The following FAR2 variants were observed in gnomAD, a reference collection of about 807,000 sequenced individuals.
The protein encoded by FAR2 is fatty acyl-CoA reductase 2.
A neutral mutation model predicts 56.0 loss-of-function variants in FAR2; 19 were observed. The ratio of observed to expected loss-of-function variants is 0.34; its 90% CI spans 0.24 to 0.50. FAR2 has a LOEUF of 0.50. Ranked by LOEUF, FAR2 falls within the 20% of genes least tolerant of loss-of-function variation. The probability of loss-of-function intolerance (pLI) is 0.98; values close to 1 mark genes in which losing one functional copy is unlikely to be tolerated. For missense variants in FAR2, 508 were observed against 642.2 expected, an observed-to-expected ratio of 0.79 and a Z score of 2.26; for synonymous variants, 219 against 218.8, an observed-to-expected ratio of 1.00 and a Z score of -0.01.
At chr12:29,326,513 G>A (rs1949649715) in intron 10 of FAR2, among the ~76,000 whole-genome samples, 1 of 152,124 alleles carries the variant, frequency 6.6e-6, no homozygotes, top group Non-Finnish European at 1.5e-5. Context: ...ATAAAATACT[G>A]GCAAACCAAA....
chr12:29,237,880 T>C (rs1947964383), intron 1 of FAR2, among the ~76,000 whole-genome samples: 1 of 152,186 alleles, frequency 6.6e-6, no homozygotes, highest in African/African-American at 2.4e-5. Flanking sequence ...GTATTAAAAA[T>C]ATCATTTTTT....
In FAR2 at chr12:29,222,267, T is replaced by TAG. The variant is rs1319400588; in HGVS notation, c.-38-48141_-38-48140dup. Among the ~76,000 whole-genome samples, 4 of 152,354 alleles carry TAG rather than the reference T, an allele frequency of 2.6e-5. No individual in the cohort carries two copies. The East Asian group carries it at 7.7e-4, about 29-fold the overall frequency. On this transcript the variant is annotated intron_variant, in intron 1 of 11. Transcript: ENST00000536681. Reference sequence around the variant, plus strand: ...TTGAACTTGTCCCCATTGCCTTGTGTAGAGACTTACTAATGTTTCAATCAT... The same window carrying TAG: ...TTGAACTTGTCCCCATTGCCTTGTGTAGAGAGACTTACTAATGTTTCAATCAT...
chr12:29,200,642 T>A (rs1188426266), intron 1 of FAR2, among the ~76,000 whole-genome samples: 1 of 152,172 alleles, frequency 6.6e-6, no homozygotes, highest in Admixed American at 6.5e-5. Context: ...TGGTAATAGA[T>A]CTGGCTGGAG....
chr12:29,255,838 T>C (rs1022728236), intron 1 of FAR2, among the ~76,000 whole-genome samples: 3 of 152,128 alleles, frequency 2.0e-5, no homozygotes, highest in Non-Finnish European at 4.4e-5. Flanking sequence ...TATTATTAAA[T>C]TGCCTTTTCA....
intron 1 of FAR2, among the ~76,000 whole-genome samples, chr12:29,193,820 G>A (rs1950122076): frequency 6.6e-6 from 1 of 152,190 alleles, no homozygotes; most frequent in African/African-American, 2.4e-5. Flanking sequence ...GTAAGAAACT[G>A]CCAAACTGTA....
chr12:29,273,435 A>AGT (rs1948652588), intron 2 of FAR2, among the ~76,000 whole-genome samples: 2 of 152,182 alleles, frequency 1.3e-5, no homozygotes, highest in African/African-American at 4.8e-5. Context: ...AGACTGCCAC[A>AGT]GTGTGTGTGT....
chr12:29,303,249 G>A (rs1308225734), intron 4 of FAR2, among the ~76,000 whole-genome samples: 1 of 152,142 alleles, frequency 6.6e-6, no homozygotes, highest in Non-Finnish European at 1.5e-5. Flanking sequence ...CAGGAATCTG[G>A]ATTTTTCCCA....
intron 1 of FAR2, among the ~76,000 whole-genome samples, chr12:29,213,281 G>A (rs1947575430): frequency 6.6e-6 from 1 of 151,780 alleles, no homozygotes; most frequent in Admixed American, 6.6e-5. Flanking sequence ...AATTACTATG[G>A]GTAAAACCTA....
intron 1 of FAR2, among the ~76,000 whole-genome samples, chr12:29,179,206 A>G (rs1051513320): frequency 6.6e-6 from 1 of 152,192 alleles, no homozygotes; most frequent in Non-Finnish European, 1.5e-5. Context: ...ACTTCAACAT[A>G]TTAATTTGAG....
intron 1 of FAR2, among the ~76,000 whole-genome samples, chr12:29,211,756 A>G (rs1947552352): frequency 6.6e-6 from 1 of 151,868 alleles, no homozygotes; most frequent in African/African-American, 2.4e-5. Flanking sequence ...CAAAATTCAT[A>G]TGGTGAAGTC....
chr12:29,257,896 A>G (rs1400731302), intron 1 of FAR2, among the ~76,000 whole-genome samples: 1 of 152,240 alleles, frequency 6.6e-6, no homozygotes, highest in African/African-American at 2.4e-5. Flanking sequence ...CCACAGGATT[A>G]CAGACGTGAG....
intron 4 of FAR2, among the ~76,000 whole-genome samples, chr12:29,300,378 C>T (rs1380547235): frequency 2.6e-5 from 4 of 152,166 alleles, no homozygotes; most frequent in South Asian, 2.1e-4. Context: ...ACTATTTCAA[C>T]GACTCCTATA....
At chr12:29,205,819 C>T (rs190742604) in intron 1 of FAR2, among the ~76,000 whole-genome samples, 19 of 145,014 alleles carry the variant, frequency 1.3e-4, no homozygotes, top group Admixed American at 3.6e-4. Flanking sequence ...TAAAGAGGTC[C>T]GGAACTTATT....
intron 1 of FAR2, among the ~76,000 whole-genome samples, chr12:29,169,886 G>A (rs1949868940): frequency 6.6e-6 from 1 of 152,190 alleles, no homozygotes; most frequent in Admixed American, 6.5e-5. Flanking sequence ...TAGTTGTATG[G>A]CCCTGCACTC....
At chr12:29,323,921 G>A (rs1219531914) in intron 10 of FAR2, among the ~76,000 whole-genome samples, 1 of 152,172 alleles carries the variant, frequency 6.6e-6, no homozygotes, top group African/African-American at 2.4e-5. Context: ...AGTTGAGAGA[G>A]GAAGGCTTCA....
chr12:29,247,390 G>A (rs1948145002), intron 1 of FAR2, among the ~76,000 whole-genome samples: 1 of 152,112 alleles, frequency 6.6e-6, no homozygotes, highest in Non-Finnish European at 1.5e-5. Context: ...AAAGAACAAT[G>A]TGTTTTTATA....
intron 10 of FAR2, among the ~76,000 whole-genome samples, chr12:29,326,487 G>A (rs1236311833): frequency 4.6e-5 from 7 of 152,146 alleles, no homozygotes; most frequent in African/African-American, 1.7e-4. Context: ...GATGAACATT[G>A]ATGCAAAAAT....
rs1216198660 is a variant in FAR2, at chr12:29,199,011, A to G, written c.-39+49604A>G. Among the ~76,000 whole-genome samples, 5 of 152,186 alleles carry G rather than the reference A, an allele frequency of 3.3e-5. No homozygotes were observed. In the East Asian group the frequency reaches 9.6e-4, roughly 29 times the overall value. Reference sequence around the variant, plus strand: ...TCTCAATGTACTTAAAGTCTAAAGGAGAAGACAGATGTGCAAACAATTGCA... The same window carrying G: ...TCTCAATGTACTTAAAGTCTAAAGGGGAAGACAGATGTGCAAACAATTGCA... On this transcript the variant is annotated intron_variant, in intron 1 of 11. Transcript: ENST00000536681.
At chr12:29,257,164 A>G (rs912510929) in intron 1 of FAR2, among the ~76,000 whole-genome samples, 2 of 152,204 alleles carry the variant, frequency 1.3e-5, no homozygotes, top group Non-Finnish European at 2.9e-5. Context: ...TAAATACACC[A>G]ATAGGCACTC....
Sources: gnomAD v4.1 joint callset for allele counts (sites outside exome capture counted in the v4.1 genomes callset) on GRCh38, gnomAD v4.1.1 for gene constraint, MANE v1.5 for transcripts, NCBI Gene and HGNC (gene_info 2026-07-23, HGNC 2026-07-21) for gene names.